The following SNTG1 variants were observed in gnomAD, a reference collection of about 807,000 sequenced individuals.
SNTG1 encodes the protein gamma-1-syntrophin.
SNTG1 carries 39 observed loss-of-function variants against 74.7 expected under a neutral mutation model. The observed-to-expected ratio is 0.52, with a 90% CI of 0.40 to 0.68. The LOEUF (loss-of-function observed/expected upper bound fraction) is 0.68, where lower values mean the gene tolerates loss of function less well. Ranked by LOEUF, SNTG1 falls within the 30% of genes least tolerant of loss-of-function variation. The pLI, the probability that SNTG1 is intolerant of heterozygous loss-of-function variation, is 0.00. For missense variants in SNTG1, 685 were observed against 609.5 expected (o/e 1.12, Z -1.30); for synonymous variants, 254 against 217.1 (o/e 1.17, Z -1.49).
At chr8:50,149,572 G>A (rs1294125468) in intron 1 of SNTG1, among the ~76,000 whole-genome samples, 1 of 152,150 alleles carries the variant, frequency 6.6e-6, no homozygotes, top group Admixed American at 6.5e-5. Context: ...TTTTGTATAA[G>A]GTGTAAGGAA....
At chr8:50,413,648 C>A (rs902609299) in intron 4 of SNTG1, among the ~76,000 whole-genome samples, 1 of 152,170 alleles carries the variant, frequency 6.6e-6, no homozygotes, top group African/African-American at 2.4e-5. Context: ...TAGCCATTAT[C>A]TTTGAAGAGC....
chr8:50,151,756 T>G (rs2082077272), intron 1 of SNTG1, among the ~76,000 whole-genome samples: 1 of 152,250 alleles, frequency 6.6e-6, no homozygotes, highest in African/African-American at 2.4e-5. Flanking sequence ...CTAGTTTGAT[T>G]GCACTGTGGT....
intron 13 of SNTG1, among the ~76,000 whole-genome samples, chr8:50,633,678 A>G (rs1182177030): frequency 6.6e-6 from 1 of 152,216 alleles, no homozygotes; most frequent in African/African-American, 2.4e-5. Context: ...GAACTGATAC[A>G]TAACCATCCA....
At chr8:50,299,889 T>C (rs1412185311) in intron 2 of SNTG1, among the ~76,000 whole-genome samples, 1 of 152,166 alleles carries the variant, frequency 6.6e-6, no homozygotes, top group Admixed American at 6.6e-5. Flanking sequence ...TACTAAACTT[T>C]GGTGATATTA....
At chr8:50,074,676 T>C (rs377756756) in intron 1 of SNTG1, among the ~76,000 whole-genome samples, 1 of 152,218 alleles carries the variant, frequency 6.6e-6, no homozygotes, top group South Asian at 2.1e-4. Context: ...ATTGCTAGAA[T>C]TACCAAAATA....
intron 1 of SNTG1, among the ~76,000 whole-genome samples, chr8:49,913,840 G>A (rs982201248): frequency 2.0e-5 from 3 of 152,152 alleles, no homozygotes; most frequent in Non-Finnish European, 4.4e-5. Flanking sequence ...AGTCAGTAGG[G>A]CATAAAATGT....
chr8:49,970,831 T>G (rs917943148), intron 1 of SNTG1, among the ~76,000 whole-genome samples: 3 of 152,154 alleles, frequency 2.0e-5, no homozygotes, highest in African/African-American at 7.2e-5. Context: ...CAAAGCTGAC[T>G]TAAAGTATGG....
intron 1 of SNTG1, among the ~76,000 whole-genome samples, chr8:49,938,598 TTTTCTTTTC>T (rs1277187215): frequency 1.6e-3 from 20 of 12,686 alleles, no homozygotes; most frequent in Non-Finnish European, 3.6e-3. Flanking sequence ...TTTTCTTTTC[TTTTCTTTTC>T]TTTCTTTCTT....
chr8:50,360,894 T>C (rs889073587), intron 2 of SNTG1, among the ~76,000 whole-genome samples: 4 of 152,192 alleles, frequency 2.6e-5, no homozygotes, highest in African/African-American at 9.6e-5. Context: ...AGGACATTAC[T>C]ATACACTACT....
chr8:50,744,773 G>A (rs2095551429), intron 17 of SNTG1, among the ~76,000 whole-genome samples: 1 of 151,820 alleles, frequency 6.6e-6, no homozygotes, highest in African/African-American at 2.4e-5. Flanking sequence ...TTTCAACAAG[G>A]GTGCCAAGAC....
intron 18 of SNTG1, among the ~76,000 whole-genome samples, chr8:50,766,673 A>T (rs886982157): frequency 1.1e-4 from 16 of 151,996 alleles, no homozygotes; most frequent in Middle Eastern, 3.4e-3. Flanking sequence ...AAGGCAAGAG[A>T]ATATACCTAT....
At chr8:50,599,195 G>A (rs1319245568) in intron 13 of SNTG1, among the ~76,000 whole-genome samples, 4 of 151,842 alleles carry the variant, frequency 2.6e-5, no homozygotes, top group African/African-American at 9.7e-5. Flanking sequence ...CTTGTTTCTG[G>A]GTTCTCTATT....
intron 8 of SNTG1, among the ~76,000 whole-genome samples, chr8:50,464,273 T>G (rs1292165778): frequency 6.6e-6 from 1 of 152,216 alleles, no homozygotes; most frequent in Non-Finnish European, 1.5e-5. Context: ...CTTTTAAATT[T>G]ACAACCTGGC....
chr8:50,490,006 A>C (rs199695888), intron 8 of SNTG1, among the ~76,000 whole-genome samples: 1 of 152,080 alleles, frequency 6.6e-6, no homozygotes, highest in Non-Finnish European at 1.5e-5. Flanking sequence ...AGTTTTCCCA[A>C]CACCATTTAT....
chr8:50,610,455 G>A (rs190217276), intron 13 of SNTG1, among the ~76,000 whole-genome samples: 61 of 152,250 alleles, frequency 4.0e-4, no homozygotes, highest in African/African-American at 1.3e-3. Flanking sequence ...CCAGGTGTAT[G>A]TGGAAAACTC....
rs1259725449 is a variant in SNTG1, at chr8:50,088,620, CAGAG to C, written c.-102-83938_-102-83935del. Among the ~76,000 whole-genome samples the C allele has an allele frequency of 3.3e-5, 4 of 122,930 alleles. No individual in the cohort carries two copies. In the East Asian group the frequency reaches 6.8e-4, roughly 21 times the overall value. 80.6% of individuals were successfully genotyped at this position (122,930 alleles called of 152,430 possible). A position where few individuals can be genotyped will look rare whatever the true frequency, so the allele number is the denominator to read the frequency against. On this transcript the variant is annotated intron_variant, in intron 1 of 18. Transcript: ENST00000642720. Reference sequence around the variant, plus strand: ...TTCTTATACACCAACAACAGAGAAACAGAGAGCCAAATCATGAGTGAACTCCCAT... The same window carrying C: ...TTCTTATACACCAACAACAGAGAAACAGCCAAATCATGAGTGAACTCCCAT...
At chr8:50,497,271 AT>A in intron 8 of SNTG1, among the ~76,000 whole-genome samples, 1 of 152,086 alleles carries the variant, frequency 6.6e-6, no homozygotes, top group South Asian at 2.1e-4. Context: ...TATTTAACCA[AT>A]ACATGTCATA....
intron 2 of SNTG1, among the ~76,000 whole-genome samples, chr8:50,208,537 A>T (rs908084496): frequency 1.3e-5 from 2 of 152,084 alleles, no homozygotes; most frequent in African/African-American, 4.8e-5. Context: ...GTGTCTTTTA[A>T]TTGGAGCAAC....
intron 2 of SNTG1, among the ~76,000 whole-genome samples, chr8:50,302,150 T>C (rs954773881): frequency 3.9e-5 from 6 of 152,192 alleles, no homozygotes; most frequent in African/African-American, 1.4e-4. Flanking sequence ...GAGTGACACT[T>C]TGCTGACAGA....
Sources: allele counts gnomAD v4.1 joint callset (sites outside exome capture counted in the v4.1 genomes callset), GRCh38; gene constraint gnomAD v4.1.1; transcripts MANE v1.5; gene names NCBI Gene and HGNC (gene_info 2026-07-23, HGNC 2026-07-21).